FARP1: variants seen among roughly 807,000 people sequenced by gnomAD.
The protein encoded by FARP1 is FERM, ARHGEF and pleckstrin domain-containing protein 1.
Under a neutral mutation model 128.8 loss-of-function variants are expected in FARP1, and 52 were observed. That is an observed-to-expected ratio of 0.40 (90% CI 0.32 to 0.51). FARP1 has a LOEUF of 0.51. FARP1 is among the 20% of genes least tolerant of loss of function. The probability of loss-of-function intolerance (pLI) is 0.45; values close to 1 mark genes in which losing one functional copy is unlikely to be tolerated. For synonymous variants in FARP1, 580 were observed against 551.8 expected, an observed-to-expected ratio of 1.05 and a Z score of -0.72; for missense variants, 1,333 against 1,367.9, an observed-to-expected ratio of 0.97 and a Z score of 0.40.
chr13:98,375,059 G>T (rs1889523317), intron 5 of FARP1, among the ~76,000 whole-genome samples: 1 of 152,236 alleles, frequency 6.6e-6, no homozygotes, highest in African/African-American at 2.4e-5. Flanking sequence ...ATCTCAACAT[G>T]AGGTTTGGAG....
intron 2 of FARP1, among the ~76,000 whole-genome samples, chr13:98,304,356 A>C (rs1414877844): frequency 6.6e-6 from 1 of 152,222 alleles, no homozygotes; most frequent in Non-Finnish European, 1.5e-5. Flanking sequence ...AGGTGGGAAG[A>C]AAAATTATTT....
chr13:98,296,520 C>CG (rs1555334968), intron 2 of FARP1, among the ~76,000 whole-genome samples: 2 of 150,092 alleles, frequency 1.3e-5, no homozygotes, highest in East Asian at 2.0e-4. Flanking sequence ...AGGGACCCCC[C>CG]GCTCTTCATG....
chr13:98,206,018 T>A (rs1056043062), intron 1 of FARP1, among the ~76,000 whole-genome samples: 1 of 152,228 alleles, frequency 6.6e-6, no homozygotes, highest in African/African-American at 2.4e-5. Context: ...CTTTGGATGT[T>A]CATCTGTCAT....
At chr13:98,362,789 T>C (rs987579508) in intron 3 of FARP1, among the ~76,000 whole-genome samples, 3 of 152,222 alleles carry the variant, frequency 2.0e-5, no homozygotes, top group African/African-American at 7.2e-5. Flanking sequence ...GTCCCAGTCA[T>C]CCTGCAGTGC....
intron 1 of FARP1, chr13:98,208,492 A>AAG (rs397830035): frequency 6.6e-6 from 1 of 151,190 alleles, no homozygotes; most frequent in Non-Finnish European, 1.5e-5. Context: ...AAAAAAAAAA[A>AAG]GCAGTTCTCA....
rs2140120459 is a variant in FARP1, at chr13:98,411,918, G to A, written c.1710G>A (p.Val570=). Residue 570 remains valine (V), a synonymous_variant, in exon 16 of 27, where the codon GTG becomes GTA. Coordinates refer to ENST00000319562, the MANE Select transcript of FARP1 (RefSeq NM_005766.4). The stretch of plus-strand genomic sequence containing the variant: ...CTTTCCAGTGGTTTCAGAGCACAGT[G>A]AGCAAAGAGGACGCCATGCCGGAAG... ...EVITSWFQST[V]SKEDAMPEAL... is the part of the protein sequence containing the mutation. The A allele has an allele frequency of 6.2e-7, 1 of 1,614,174 alleles. No homozygotes were observed. Among genetic ancestry groups the A allele is most frequent in the East Asian group, 2.2e-5 (1 of 44,884 alleles).
intron 1 of FARP1, among the ~76,000 whole-genome samples, chr13:98,166,640 T>C (rs1170517270): frequency 3.3e-5 from 5 of 152,138 alleles, no homozygotes; most frequent in African/African-American, 1.2e-4. Context: ...GTGTTGAGGC[T>C]GTTTTTCCCA....
chr13:98,448,433 C>T lies in FARP1; in HGVS notation c.*116C>T. The T allele has an allele frequency of 1.2e-6, 1 of 851,654 alleles. No individual in the cohort carries two copies. The highest frequency in any genetic ancestry group is 2.0e-6 in the Non-Finnish European group (1 of 512,052). The allele number at this position is 851,654 out of a possible 1,614,324, so 52.8% of individuals were successfully genotyped here. On this transcript the variant is annotated 3_prime_UTR_variant, in exon 27 of 27. Transcript: ENST00000319562. ...GTCTGAAAATCAAAAACATGGCTTC[C>T]CAGCAGCTCTCCTGTCTCCACAGCC...
intron 1 of FARP1, among the ~76,000 whole-genome samples, chr13:98,180,126 A>G (rs1442962035): frequency 6.6e-6 from 1 of 152,100 alleles, no homozygotes. Context: ...TAATTTATAA[A>G]GAAGAGAGGA....
At chr13:98,217,222 CATTTTTA>C (rs1176335166) in intron 2 of FARP1, among the ~76,000 whole-genome samples, 13 of 152,194 alleles carry the variant, frequency 8.5e-5, no homozygotes, top group African/African-American at 3.1e-4. Context: ...AAGACACAGC[CATTTTTA>C]TTTTTTATTT....
chr13:98,388,915 A>G (rs1424161494), intron 9 of FARP1, among the ~76,000 whole-genome samples: 2 of 152,208 alleles, frequency 1.3e-5, no homozygotes, highest in Non-Finnish European at 2.9e-5. Flanking sequence ...TCATGGGCTA[A>G]TTAGGTTCCC....
chr13:98,443,830 G>GGAGGGAAGGGA (rs1407403842), intron 24 of FARP1, among the ~76,000 whole-genome samples: 4 of 7,326 alleles, frequency 5.5e-4, no homozygotes, highest in African/African-American at 7.6e-4. Context: ...AGCAGACAGA[G>GGAGGGAAGGGA]CGCAGACAGG....
intron 2 of FARP1, among the ~76,000 whole-genome samples, chr13:98,331,056 C>T (rs1168405771): frequency 6.6e-6 from 1 of 152,136 alleles, no homozygotes; most frequent in Non-Finnish European, 1.5e-5. Context: ...TTGCATTTGA[C>T]GGAGCTTACA....
At chr13:98,365,944 A>AG (rs1005354478) in intron 4 of FARP1, among the ~76,000 whole-genome samples, 3 of 150,686 alleles carry the variant, frequency 2.0e-5, no homozygotes, top group Admixed American at 2.0e-4. Flanking sequence ...AGAGCCCTGA[A>AG]GGGAGGCTGG....
chr13:98,148,651 G>C (rs1288309468), intron 1 of FARP1, among the ~76,000 whole-genome samples: 2 of 152,122 alleles, frequency 1.3e-5, no homozygotes, highest in Non-Finnish European at 2.9e-5. Context: ...AATTCTGTTA[G>C]CATCTGTTGG....
rs370860830 is a variant in FARP1, at chr13:98,246,947, G to A, written c.171+33534G>A. Among the ~76,000 whole-genome samples the A allele has an allele frequency of 5.9e-5, 9 of 152,266 alleles. No homozygotes were observed. In the East Asian group the frequency reaches 1.4e-3, roughly 23 times the overall value. ...TTTAAGAAGGCAGCTGTTCCTTGGC[G>A]GGGCACAGTTGCTCACGCCTGTAAT... is the stretch of plus-strand genomic sequence containing the variant. On this transcript the variant is annotated intron_variant, in intron 2 of 26. Coordinates refer to ENST00000319562, the MANE Select transcript of FARP1 (RefSeq NM_005766.4).
chr13:98,438,225 T>C lies in FARP1; in HGVS notation c.2275-579T>C, dbSNP rs116947925. Among the ~76,000 whole-genome samples, 1,440 of 152,198 alleles carry C rather than the reference T, an allele frequency of 9.5e-3. 34 individuals carry two copies. Among genetic ancestry groups the C allele is most frequent in the Admixed American group, 0.032 (486 of 15,296 alleles). On this transcript the variant is annotated intron_variant, in intron 19 of 26. Coordinates refer to ENST00000319562, the MANE Select transcript of FARP1 (RefSeq NM_005766.4). ...TTGGACACATCTGCCTCTCACTCCT[T>C]TATCCTCAACGCAGTTACTGCTCAT... is the stretch of plus-strand genomic sequence containing the variant.
In FARP1 at chr13:98,347,065, C is replaced by G. The variant is rs142429569; in HGVS notation, c.276+3199C>G. Among the ~76,000 whole-genome samples the G allele has an allele frequency of 4.8e-3, 737 of 152,304 alleles. 6 individuals are homozygous for G. Among genetic ancestry groups the G allele is most frequent in the South Asian group, 0.046 (220 of 4,820 alleles). On this transcript the variant is annotated intron_variant, in intron 3 of 26. Coordinates refer to ENST00000319562, the MANE Select transcript of FARP1 (RefSeq NM_005766.4). Reference sequence around the variant, plus strand: ...TTGGAAGTGCCACAGGCCAGTCTTGCTTGTATGAACTGAGGAAGAGCATCT... The same window carrying G: ...TTGGAAGTGCCACAGGCCAGTCTTGGTTGTATGAACTGAGGAAGAGCATCT...
At chr13:98,304,058 C>G (rs535624013) in intron 2 of FARP1, among the ~76,000 whole-genome samples, 1 of 152,264 alleles carries the variant, frequency 6.6e-6, no homozygotes, top group Non-Finnish European at 1.5e-5. Context: ...TTGGGAAATG[C>G]AGCAATTATT....
Sources: gnomAD v4.1 joint callset for allele counts (sites outside exome capture counted in the v4.1 genomes callset) on GRCh38, gnomAD v4.1.1 for gene constraint, MANE v1.5 for transcripts, NCBI Gene and HGNC (gene_info 2026-07-23, HGNC 2026-07-21) for gene names.